Variants in SMC1B observed in about 807,000 individuals in gnomAD.
SMC1B encodes structural maintenance of chromosomes 1B.
SMC1B carries 60 observed loss-of-function variants against 157.9 expected under a neutral mutation model. The observed-to-expected ratio is 0.38, with a 90% CI of 0.31 to 0.47. SMC1B has a LOEUF of 0.47. Among genes scored for constraint, SMC1B ranks in the 20% least tolerant of loss-of-function variants. The pLI is 0.99. For synonymous variants in SMC1B, 445 were observed against 483.0 expected (o/e 0.92, Z 1.03); for missense variants, 1,165 against 1,426.2 (o/e 0.82, Z 2.95).
At chr22:45,390,072 T>C (rs904729053) in intron 9 of SMC1B, among the ~76,000 whole-genome samples, 175 bp from the exon 10 acceptor site, 16 of 152,124 alleles carry the variant, frequency 1.1e-4, no homozygotes, top group African/African-American at 3.4e-4. Context: ...GCAATGTCCA[T>C]CTAGCTATGT....
At chr22:45,353,923 A>AAAAAAAAAAAACC in intron 21 of SMC1B, 55 bp downstream of exon 21, 1 of 1,036,896 alleles carries the variant, frequency 9.6e-7, no homozygotes, top group Non-Finnish European at 1.4e-6. Flanking sequence ...AAAAAAAACA[A>AAAAAAAAAAAACC]CCACCACCGG....
Position 45,359,831 on chromosome 22 carries a change from A to G in SMC1B, c.2836T>C (p.Ser946Pro). Residue 946 changes from serine (S) to proline (P), a missense_variant, in exon 18 of 25, where the codon TCA (serine) becomes CCA (proline). Coordinates refer to ENST00000357450, the MANE Select transcript of SMC1B (RefSeq NM_148674.5). ...QDIEIILLSG[S>P]LDDIIEVEMG... ...TCCACTTCAATGATGTCATCCAGTGACCCCGACAAAAGGATTATCTCAATG... is the reference window on the plus strand; with the variant it reads ...TCCACTTCAATGATGTCATCCAGTGGCCCCGACAAAAGGATTATCTCAATG... The G allele has an allele frequency of 6.2e-7, 1 of 1,613,718 alleles. No individual in the cohort carries two copies. Among genetic ancestry groups the G allele is most frequent in the Non-Finnish European group, 8.5e-7 (1 of 1,179,794 alleles).
At chr22:45,399,445 G>T in intron 5 of SMC1B, 92 bp from the exon 6 acceptor site, 1 of 1,257,478 alleles carries the variant, frequency 8.0e-7, no homozygotes. Flanking sequence ...CTTTAAAAAA[G>T]AAATCCTAAA....
rs748471873 is a variant in SMC1B, at chr22:45,361,873, C to T, written c.2674G>A (p.Glu892Lys). ...SSAEKVQTQI[E>K]EERKKFLAVD... ...GCCAGAAACTTCTTCCGTTCCTCTT[C>T]AATTTGAGTTTGAACTTTCTCGGCA... Residue 892 changes from glutamate (E) to lysine (K), a missense_variant, in exon 17 of 25, where the codon GAA (glutamate) becomes AAA (lysine). By Grantham distance (56) the Glu-to-Lys change is moderately conservative. Transcript: ENST00000357450. 1.9e-6 allele frequency: 3 copies of T among 1,613,976 alleles called. No homozygotes were observed. Among genetic ancestry groups the T allele is most frequent in the African/African-American group, 2.7e-5 (2 of 74,932 alleles).
chr22:45,362,120 G>A lies in SMC1B; in HGVS notation c.2563-136C>T, dbSNP rs1481631071. On this transcript the variant is annotated intron_variant, in intron 16 of 24. Transcript: ENST00000357450. ...CCTATGTGCTACCTGACCTTCCATCGTGGACTGTGACTCACGTTCTACACT... is the reference window on the plus strand; with the variant it reads ...CCTATGTGCTACCTGACCTTCCATCATGGACTGTGACTCACGTTCTACACT... 4 of 743,790 alleles carry A rather than the reference G, an allele frequency of 5.4e-6. No homozygotes were observed. The East Asian group carries it at 8.4e-5, about 16-fold the overall frequency. The allele number at this position is 743,790 out of a possible 1,614,324, so 46.1% of individuals were successfully genotyped here. A position where few individuals can be genotyped will look rare whatever the true frequency, so the allele number is the denominator to read the frequency against.
chr22:45,382,945 C>T (rs892396253), intron 12 of SMC1B, among the ~76,000 whole-genome samples: 100 of 152,204 alleles, frequency 6.6e-4, no homozygotes, highest in African/African-American at 2.3e-3. Context: ...ACCAGCCTGA[C>T]CAACATGGAG....
At chr22:45,373,224 G>T (rs189693565) in intron 12 of SMC1B, among the ~76,000 whole-genome samples, 1 of 152,180 alleles carries the variant, frequency 6.6e-6, no homozygotes, top group South Asian at 2.1e-4. Flanking sequence ...TGGGGCACAC[G>T]TTCTCAGGAC....
intron 12 of SMC1B, among the ~76,000 whole-genome samples, chr22:45,380,995 C>T (rs1398323038): frequency 1.4e-5 from 2 of 147,578 alleles, no homozygotes; most frequent in African/African-American, 5.0e-5. Context: ...GGAGTTTCAT[C>T]CTGTTGGCCA....
chr22:45,402,622 G>A (rs1418063912), intron 4 of SMC1B, 51 bp from the exon 5 acceptor site: 1 of 1,329,282 alleles, frequency 7.5e-7, no homozygotes, highest in South Asian at 1.3e-5. Context: ...TATTTAAGTT[G>A]GCCTTTCATA....
chr22:45,389,674 T>G, intron 10 of SMC1B, 38 bp downstream of exon 10: 1 of 1,546,440 alleles, frequency 6.5e-7, no homozygotes, highest in African/African-American at 1.4e-5. Flanking sequence ...AGACAAGATT[T>G]TTATCACTAT....
chr22:45,383,151 A>C (rs2086954002), intron 12 of SMC1B, among the ~76,000 whole-genome samples: 1 of 151,912 alleles, frequency 6.6e-6, no homozygotes, highest in Non-Finnish European at 1.5e-5. Context: ...AAAACAAAAA[A>C]CAAACAAAAA....
chr22:45,403,157 A>G (rs2087215991), intron 4 of SMC1B, among the ~76,000 whole-genome samples: 1 of 152,230 alleles, frequency 6.6e-6, no homozygotes, highest in African/African-American at 2.4e-5. Context: ...AGGATGTTGT[A>G]AAAAACAATT....
chr22:45,373,758 C>T (rs956169871), intron 12 of SMC1B, among the ~76,000 whole-genome samples: 3 of 152,064 alleles, frequency 2.0e-5, no homozygotes, highest in African/African-American at 4.8e-5. Flanking sequence ...TTTGCAATGG[C>T]GGTTCCATAA....
At chr22:45,411,993 C>T (rs765454602) in intron 1 of SMC1B, among the ~76,000 whole-genome samples, 13 of 151,982 alleles carry the variant, frequency 8.6e-5, no homozygotes, top group Non-Finnish European at 1.8e-4. Flanking sequence ...ATTCTCCTGC[C>T]TCAGTCTCCC....
intron 7 of SMC1B, 92 bp downstream of exon 7, chr22:45,396,254 G>A: frequency 8.8e-7 from 1 of 1,131,944 alleles, no homozygotes. Flanking sequence ...TATAGTGTAA[G>A]GTTAAGGAGA....
In SMC1B at chr22:45,372,279, G is replaced by C. The variant is rs371395508; in HGVS notation, c.2072C>G (p.Thr691Arg). 6.3e-7 allele frequency: 1 copy of C among 1,597,702 alleles called. No homozygotes were observed. Among genetic ancestry groups the C allele is most frequent in the Admixed American group, 1.8e-5 (1 of 55,896 alleles). ...TTTCAAATCTGTTTCTTTGCGGAGT[G>C]TCTTCATTAAACCCTAAAAGGAAAG... is the stretch of plus-strand genomic sequence containing the variant. ...KIQELKGLMK[T>R]LRKETDLKQI... The change falls in exon 13 of 25, where the codon ACA (threonine) becomes AGA (arginine). Residue 691 changes from threonine to arginine, a missense_variant. Coordinates refer to ENST00000357450, the MANE Select transcript of SMC1B (RefSeq NM_148674.5).
At chr22:45,379,454 C>T (rs1481727880) in intron 12 of SMC1B, among the ~76,000 whole-genome samples, 1 of 152,096 alleles carries the variant, frequency 6.6e-6, no homozygotes, top group Non-Finnish European at 1.5e-5. Flanking sequence ...TCTTTTCACT[C>T]ATTTTTATTG....
In SMC1B at chr22:45,360,045, GA is replaced by G. The variant is rs34743320; in HGVS notation, c.2709-88del. Reference sequence around the variant, plus strand: ...AAAAATGTATGCTATAAACTTTTATGAAAAAAGAATTATTTATTCCTGTGAG... The same window carrying G: ...AAAAATGTATGCTATAAACTTTTATGAAAAAGAATTATTTATTCCTGTGAG... On this transcript the variant is annotated intron_variant, in intron 17 of 24. Transcript: ENST00000357450. 5.9e-5 allele frequency: 59 copies of G among 1,003,328 alleles called. 1 individual carries two copies. The East Asian group carries it at 1.3e-3, about 22-fold the overall frequency. The allele number at this position is 1,003,328 out of a possible 1,614,324, so 62.2% of individuals were successfully genotyped here.
chr22:45,402,165 G>A (rs1003462709), intron 5 of SMC1B, among the ~76,000 whole-genome samples, 168 bp downstream of exon 5: 1 of 152,170 alleles, frequency 6.6e-6, no homozygotes, highest in African/African-American at 2.4e-5. Context: ...TTACAGGCAT[G>A]AGCCACCACA....
Sources: gnomAD v4.1 joint callset for allele counts (sites outside exome capture counted in the v4.1 genomes callset) on GRCh38, gnomAD v4.1.1 for gene constraint, MANE v1.5 for transcripts, NCBI Gene and HGNC (gene_info 2026-07-23, HGNC 2026-07-21) for gene names.